Variants in GRM3 observed in about 807,000 individuals in gnomAD.
The protein encoded by GRM3 is metabotropic glutamate receptor 3.
Under a neutral mutation model 70.5 loss-of-function variants are expected in GRM3, and 26 were observed. The observed-to-expected ratio is 0.37, with a 90% confidence interval of 0.27 to 0.51. The LOEUF (loss-of-function observed/expected upper bound fraction) is 0.51, where lower values mean the gene tolerates loss of function less well. Among genes scored for constraint, GRM3 ranks in the 20% least tolerant of loss-of-function variants. The pLI, the probability that GRM3 is intolerant of heterozygous loss-of-function variation, is 0.93. For synonymous variants in GRM3, 443 were observed against 434.9 expected (o/e 1.02, Z -0.23); for missense variants, 859 against 1,123.8 (o/e 0.76, Z 3.37).
chr7:86,735,129 T>C (rs934193440), intron 1 of GRM3, among the ~76,000 whole-genome samples: 1 of 152,132 alleles, frequency 6.6e-6, no homozygotes, highest in Admixed American at 6.5e-5. Flanking sequence ...TTTGAAGAGA[T>C]TGTCTTAAAA....
At chr7:86,827,484 T>C (rs1444403827) in intron 3 of GRM3, among the ~76,000 whole-genome samples, 1 of 151,898 alleles carries the variant, frequency 6.6e-6, no homozygotes, top group Non-Finnish European at 1.5e-5. Context: ...AAAGTAGTCA[T>C]ATCTGGAAAA....
chr7:86,810,866 A>G (rs918680263), intron 3 of GRM3, among the ~76,000 whole-genome samples: 5 of 152,000 alleles, frequency 3.3e-5, no homozygotes, highest in African/African-American at 7.2e-5. Context: ...ACATACACAC[A>G]TTGCATACAA....
intron 3 of GRM3, among the ~76,000 whole-genome samples, chr7:86,838,178 G>C (rs1798493793): frequency 2.6e-5 from 4 of 152,136 alleles, no homozygotes. Flanking sequence ...GTATGTATTT[G>C]TGTGAATATG....
rs746444702 is a variant in GRM3 at position 86,839,453 on chromosome 7, G to A, written c.1939G>A (p.Gly647Arg). ...AGTCATCTGTGCATTGCGCCGACTC[G>A]GGCTGGGGAGTTCCTTCGCTATCTG... Reference protein sequence around the residue: ...SPVICALRRLGLGSSFAICYS... With the variant: ...SPVICALRRLRLGSSFAICYS... The change falls in exon 4 of 6, where the codon GGG (glycine) becomes AGG (arginine). Residue 647 changes from glycine (G) to arginine (R), a missense_variant. Coordinates refer to ENST00000361669, the MANE Select transcript of GRM3 (RefSeq NM_000840.3). The surrounding 1 kb of genome is among the most constrained non-coding windows in gnomAD (Gnocchi z 4.5). The A allele has an allele frequency of 1.9e-6, 3 of 1,613,054 alleles. No individual in the cohort carries two copies. Among genetic ancestry groups the A allele is most frequent in the South Asian group, 1.1e-5 (1 of 90,960 alleles).
chr7:86,826,756 T>C (rs1024855526), intron 3 of GRM3, among the ~76,000 whole-genome samples: 2 of 152,162 alleles, frequency 1.3e-5, no homozygotes, highest in African/African-American at 4.8e-5. Context: ...ACTATTGACA[T>C]TTTGGGCCAG....
chr7:86,675,459 C>G (rs1794282779), intron 1 of GRM3, among the ~76,000 whole-genome samples: 1 of 152,008 alleles, frequency 6.6e-6, no homozygotes, highest in African/African-American at 2.4e-5. Context: ...AACCAGCAAA[C>G]AAAATCCAAG....
At chr7:86,862,625 G>T (rs1798981360) in intron 5 of GRM3, among the ~76,000 whole-genome samples, 1 of 152,068 alleles carries the variant, frequency 6.6e-6, no homozygotes, top group Non-Finnish European at 1.5e-5. Flanking sequence ...TTAGCATGTT[G>T]CATGACTCCA....
At chr7:86,789,862 C>A (rs1490290050) in intron 3 of GRM3, among the ~76,000 whole-genome samples, 3 of 152,210 alleles carry the variant, frequency 2.0e-5, no homozygotes, top group Admixed American at 6.5e-5. Context: ...CATTGGTCAA[C>A]ATGGATCTTG....
chr7:86,687,164 C>T (rs941155576), intron 1 of GRM3, among the ~76,000 whole-genome samples: 2 of 151,738 alleles, frequency 1.3e-5, no homozygotes, highest in Non-Finnish European at 2.9e-5. Context: ...AAAGAGAGAA[C>T]ATAGAATGCT....
At chr7:86,741,365 A>G (rs749876364) in intron 1 of GRM3, among the ~76,000 whole-genome samples, 4 of 152,198 alleles carry the variant, frequency 2.6e-5, no homozygotes, top group Non-Finnish European at 4.4e-5. Context: ...CTCCCCCAGC[A>G]ACCTCCACAT....
intron 3 of GRM3, among the ~76,000 whole-genome samples, chr7:86,797,170 A>T (rs2116604310): frequency 6.6e-6 from 1 of 152,340 alleles, no homozygotes; most frequent in South Asian, 2.1e-4. Context: ...ATACCTGAAA[A>T]TGTGGAAGCG....
At chr7:86,755,628 T>C (rs749227869) in intron 1 of GRM3, among the ~76,000 whole-genome samples, 47 of 152,124 alleles carry the variant, frequency 3.1e-4, no homozygotes, top group Non-Finnish European at 5.0e-4. Flanking sequence ...TACCAGTGTG[T>C]GCCAGCTGGG....
At chr7:86,849,152 G>T (rs1798710674) in intron 4 of GRM3, among the ~76,000 whole-genome samples, 1 of 152,124 alleles carries the variant, frequency 6.6e-6, no homozygotes, top group Admixed American at 6.6e-5. Context: ...AGGAACTGAG[G>T]CAGAAAGAGG....
chr7:86,707,018 T>C (rs1403903808), intron 1 of GRM3, among the ~76,000 whole-genome samples: 1 of 152,070 alleles, frequency 6.6e-6, no homozygotes, highest in Non-Finnish European at 1.5e-5. Context: ...TGAGGAAATA[T>C]ACTTCCCTAG....
intron 1 of GRM3, among the ~76,000 whole-genome samples, chr7:86,687,790 G>A (rs1438177568): frequency 1.3e-5 from 2 of 151,776 alleles, no homozygotes; most frequent in African/African-American, 4.8e-5. Context: ...TGTAAGGCTA[G>A]TACAAAAGGT....
chr7:86,727,889 T>G (rs1795628944), intron 1 of GRM3, among the ~76,000 whole-genome samples: 1 of 152,190 alleles, frequency 6.6e-6, no homozygotes, highest in Non-Finnish European at 1.5e-5. Flanking sequence ...GCTTTCATAC[T>G]ACTAGGTCAG....
intron 1 of GRM3, among the ~76,000 whole-genome samples, chr7:86,658,966 GA>G (rs1159831677): frequency 5.9e-5 from 9 of 151,908 alleles, no homozygotes; most frequent in African/African-American, 2.2e-4. Context: ...TCCGCATTTT[GA>G]AAACATTTTA....
chr7:86,667,384 G>C (rs1794054312), intron 1 of GRM3, among the ~76,000 whole-genome samples: 1 of 152,114 alleles, frequency 6.6e-6, no homozygotes, highest in South Asian at 2.1e-4. Context: ...GTATATCACA[G>C]TAAGAATCTC....
intron 1 of GRM3, among the ~76,000 whole-genome samples, chr7:86,703,353 G>T (rs895427274): frequency 1.3e-5 from 2 of 151,914 alleles, no homozygotes; most frequent in Non-Finnish European, 2.9e-5. Context: ...AGTGTGAAAG[G>T]TTCATGGAAT....
Sources: allele counts gnomAD v4.1 joint callset (sites outside exome capture counted in the v4.1 genomes callset), GRCh38; gene constraint gnomAD v4.1.1; non-coding constraint Gnocchi (gnomAD v3.1); transcripts MANE v1.5; gene names NCBI Gene and HGNC (gene_info 2026-07-23, HGNC 2026-07-21).